The following SCGB2B2 variants were observed in gnomAD, a reference collection of about 807,000 sequenced individuals.
SCGB2B2 encodes the protein secretoglobin-like protein.
In SCGB2B2, 11 loss-of-function variants were observed where a neutral mutation model predicts 7.6. That is an observed-to-expected ratio of 1.45 (90% CI 0.91 to 2.40). The LOEUF is 2.40. Among genes scored for constraint, SCGB2B2 ranks in the 30% most tolerant of loss-of-function variants. The pLI, the probability that SCGB2B2 is intolerant of heterozygous loss-of-function variation, is 0.00. For missense variants in SCGB2B2, 104 were observed against 115.4 expected (o/e 0.90, Z 0.45); for synonymous variants, 50 against 48.6 (o/e 1.03, Z -0.12).
At chr19:34,673,974 A>G (rs1012602632) in intron 1 of SCGB2B2, among the ~76,000 whole-genome samples, 5 of 152,236 alleles carry the variant, frequency 3.3e-5, no homozygotes, top group African/African-American at 1.2e-4. Flanking sequence ...AATGCTTTTT[A>G]TGAGATGGCC....
downstream of SCGB2B2, among the ~76,000 whole-genome samples, chr19:34,590,601 T>G (rs565705655): frequency 6.6e-6 from 1 of 152,216 alleles, no homozygotes. Flanking sequence ...AAGCTCCATA[T>G]AGTGCTAGGT....
At chr19:34,644,937 C>T (rs1456218728) in intron 1 of SCGB2B2, among the ~76,000 whole-genome samples, 5 of 152,204 alleles carry the variant, frequency 3.3e-5, no homozygotes, top group African/African-American at 9.7e-5. Flanking sequence ...TGAAGCACAA[C>T]GAGCTTGGGA....
At position 34,595,561 on chromosome 19, in the gene SCGB2B2, G is replaced by C. The variant is rs1443331527; in HGVS notation, c.-998C>G. The C allele has an allele frequency of 6.6e-6, 1 of 152,478 alleles. No individual in the cohort carries two copies. The highest frequency in any genetic ancestry group is 2.4e-5 in the African/African-American group (1 of 41,472). 9.4% of individuals were successfully genotyped at this position (152,478 alleles called of 1,614,324 possible). On this transcript the variant is annotated 5_prime_UTR_variant, in exon 2 of 4. Transcript: ENST00000601241. ...AGAAGTGTCTTTCTCCCTGAGCACA[G>C]TGTTTACAGAGAAGACAGCGGGTCT...
At chr19:34,659,321 A>G (rs2146123925) in intron 1 of SCGB2B2, among the ~76,000 whole-genome samples, 1 of 152,338 alleles carries the variant, frequency 6.6e-6, no homozygotes, top group East Asian at 1.9e-4. Flanking sequence ...AAGAAAGGGT[A>G]TTCAATTAGG....
At chr19:34,658,656 G>A (rs977769349) in intron 1 of SCGB2B2, among the ~76,000 whole-genome samples, 8 of 152,028 alleles carry the variant, frequency 5.3e-5, no homozygotes, top group African/African-American at 1.9e-4. Context: ...ATTCACAGCC[G>A]AATTCTACCA....
intron 1 of SCGB2B2, among the ~76,000 whole-genome samples, chr19:34,673,091 G>A (rs2067841204): frequency 6.6e-6 from 1 of 152,122 alleles, no homozygotes; most frequent in Non-Finnish European, 1.5e-5. Context: ...CCCTTGACCA[G>A]ATAAATCCCA....
At chr19:34,647,874 C>T (rs760719596) in intron 1 of SCGB2B2, among the ~76,000 whole-genome samples, 5 of 152,176 alleles carry the variant, frequency 3.3e-5, no homozygotes, top group Non-Finnish European at 7.3e-5. Context: ...CCAGAAGGCA[C>T]GTGAGGAGAC....
At chr19:34,673,049 TTTC>T (rs1447051579) in intron 1 of SCGB2B2, among the ~76,000 whole-genome samples, 1 of 152,178 alleles carries the variant, frequency 6.6e-6, no homozygotes, top group African/African-American at 2.4e-5. Flanking sequence ...TAAACTGGCT[TTTC>T]TTCTCCAAAG....
rs1437301934 is a variant in SCGB2B2, at chr19:34,592,214, G to C, written c.*1341C>G. On this transcript the variant is annotated 3_prime_UTR_variant, in exon 4 of 4. Coordinates refer to ENST00000601241, the MANE Select transcript of SCGB2B2 (RefSeq NM_001025591.4). ...ATTTTGGGCAGTGGGAGTGAGGGAG[G>C]AGAAGAATGTTGAAAGGAAATCTGG... Among the ~76,000 whole-genome samples, 3 of 152,166 alleles carry C rather than the reference G, an allele frequency of 2.0e-5. No individual in the cohort carries two copies. The highest frequency in any genetic ancestry group is 7.2e-5 in the African/African-American group (3 of 41,436).
chr19:34,651,144 T>C (rs1289974182), intron 1 of SCGB2B2, among the ~76,000 whole-genome samples: 3 of 151,388 alleles, frequency 2.0e-5, no homozygotes, highest in Non-Finnish European at 1.5e-5. Flanking sequence ...GCCAACATCA[T>C]AGTGAATAGG....
At position 34,595,949 on chromosome 19, in the gene SCGB2B2, G is replaced by A. The variant is rs2065439440; in HGVS notation, c.-1386C>T. ...CTAGGAGCACCTGAGGGACACGCCC[G>A]GTGCAGAGGACACTCACTGGGCTGC... On this transcript the variant is annotated 5_prime_UTR_variant, in exon 2 of 4. Coordinates refer to ENST00000601241, the MANE Select transcript of SCGB2B2 (RefSeq NM_001025591.4). 2 of 152,264 alleles carry A rather than the reference G, an allele frequency of 1.3e-5. No homozygotes were observed. The highest frequency in any genetic ancestry group is 4.8e-5 in the African/African-American group (2 of 41,432). 9.4% of individuals were successfully genotyped at this position (152,264 alleles called of 1,614,324 possible).
At chr19:34,651,790 T>C (rs1438972492) in intron 1 of SCGB2B2, among the ~76,000 whole-genome samples, 1 of 151,314 alleles carries the variant, frequency 6.6e-6, no homozygotes, top group Non-Finnish European at 1.5e-5. Flanking sequence ...CTAAAATTTA[T>C]ATGAAACTAC....
At chr19:34,662,858 G>A (rs1305977371) in intron 1 of SCGB2B2, among the ~76,000 whole-genome samples, 2 of 152,008 alleles carry the variant, frequency 1.3e-5, no homozygotes, top group Non-Finnish European at 2.9e-5. Flanking sequence ...TTGAGCTCAG[G>A]AGGTTGAGGC....
At chr19:34,606,517 C>T (rs9676484) in intron 1 of SCGB2B2, among the ~76,000 whole-genome samples, 63,830 of 142,682 alleles carry the variant, frequency 0.45, 14,169 homozygotes, top group Middle Eastern at 0.54. Flanking sequence ...TTTTCTTTTT[C>T]TTTTTTTTTT....
intron 1 of SCGB2B2, chr19:34,637,872 A>T (rs765479581): frequency 1.3e-5 from 2 of 152,228 alleles, no homozygotes; most frequent in African/African-American, 2.4e-5. Flanking sequence ...CTTCAATGGC[A>T]TATCAGTATG....
chr19:34,675,043 T>C (rs529025994), intron 1 of SCGB2B2, among the ~76,000 whole-genome samples: 6 of 152,266 alleles, frequency 3.9e-5, no homozygotes, highest in African/African-American at 7.2e-5. Flanking sequence ...CTAAGACCAA[T>C]AGACATTCAA....
At chr19:34,674,672 G>A (rs2067878928) in intron 1 of SCGB2B2, among the ~76,000 whole-genome samples, 1 of 152,140 alleles carries the variant, frequency 6.6e-6, no homozygotes, top group African/African-American at 2.4e-5. Context: ...ATAACGAATT[G>A]GGGTTCTCAA....
intron 1 of SCGB2B2, among the ~76,000 whole-genome samples, chr19:34,668,859 C>T (rs915031603): frequency 2.0e-5 from 3 of 152,120 alleles, no homozygotes; most frequent in Non-Finnish European, 4.4e-5. Flanking sequence ...TGGAAACAGA[C>T]GGCTCGGCTC....
intron 1 of SCGB2B2, among the ~76,000 whole-genome samples, chr19:34,600,038 G>GT (rs113461309): frequency 0.11 from 16,535 of 151,392 alleles, 1,013 homozygotes; most frequent in East Asian, 0.26. Context: ...TGATTTTATG[G>GT]TTTTTTTTTA....
Sources: gnomAD v4.1 joint callset for allele counts (sites outside exome capture counted in the v4.1 genomes callset) on GRCh38, gnomAD v4.1.1 for gene constraint, MANE v1.5 for transcripts, NCBI Gene and HGNC (gene_info 2026-07-23, HGNC 2026-07-21) for gene names.